Variants in NCOA2 observed in about 807,000 individuals in gnomAD.
NCOA2 encodes nuclear receptor coactivator 2.
In NCOA2, 21 loss-of-function variants were observed where a neutral mutation model predicts 145.1. The observed-to-expected ratio is 0.14, with a 90% CI of 0.10 to 0.21. The LOEUF (loss-of-function observed/expected upper bound fraction) is 0.21. Ranked by LOEUF, NCOA2 falls within the 10% of genes least tolerant of loss-of-function variation. The pLI, the probability that NCOA2 is intolerant of heterozygous loss-of-function variation, is 1.00. For synonymous variants in NCOA2, 619 were observed against 637.5 expected, an observed-to-expected ratio of 0.97 and a Z score of 0.44; for missense variants, 1,472 against 1,837.6, an observed-to-expected ratio of 0.80 and a Z score of 3.64.
intron 14 of NCOA2, among the ~76,000 whole-genome samples, chr8:70,138,664 T>C (rs1359590496): frequency 6.6e-6 from 1 of 152,206 alleles, no homozygotes; most frequent in Non-Finnish European, 1.5e-5. Flanking sequence ...AAAGTGTAGA[T>C]TCATTTAAAA....
chr8:70,227,974 C>T lies in NCOA2; in HGVS notation c.-19-11210G>A, dbSNP rs183348107. ...GAGGTCGCAGTGAGCCATTGCACTC[C>T]AGCCTGGGCGACAGAGTGAGACTCC... On this transcript the variant is annotated intron_variant, in intron 2 of 22. Transcript: ENST00000452400. Among the ~76,000 whole-genome samples the T allele has an allele frequency of 9.1e-4, 124 of 136,062 alleles. 1 individual carries two copies. The East Asian group carries it at 0.022, about 25-fold the overall frequency. 89.3% of individuals were successfully genotyped at this position (136,062 alleles called of 152,430 possible).
chr8:70,386,811 A>G (rs1214715976), intron 1 of NCOA2, among the ~76,000 whole-genome samples: 1 of 152,192 alleles, frequency 6.6e-6, no homozygotes, highest in East Asian at 1.9e-4. Flanking sequence ...CCATCCAACA[A>G]AAAGGAAATT....
intron 2 of NCOA2, among the ~76,000 whole-genome samples, chr8:70,242,993 A>C (rs1377806423): frequency 6.6e-6 from 1 of 152,088 alleles, no homozygotes; most frequent in Admixed American, 6.6e-5. Flanking sequence ...TTTACACGCT[A>C]CCTGGACTTC....
chr8:70,384,206 A>G (rs949608958), intron 1 of NCOA2, among the ~76,000 whole-genome samples: 12 of 152,048 alleles, frequency 7.9e-5, no homozygotes, highest in African/African-American at 2.9e-4. Flanking sequence ...TTTGCTTTCC[A>G]TGGTGATTCA....
In NCOA2 at chr8:70,168,599, G is replaced by A. The variant is rs371817608; in HGVS notation, c.541+1603C>T. ...GCCTCCCAAAGTGCTGGGATTACAC[G>A]GGTGAGCCACTGAGCCCAGCCAGTA... On this transcript the variant is annotated intron_variant, in intron 6 of 22. Transcript: ENST00000452400. 3.3e-5 allele frequency among the ~76,000 whole-genome samples: 5 copies of A among 152,204 alleles called. No individual in the cohort carries two copies. The South Asian group carries it at 6.2e-4, about 19-fold the overall frequency.
chr8:70,377,765 C>A (rs1441281481), intron 1 of NCOA2, among the ~76,000 whole-genome samples: 1 of 152,096 alleles, frequency 6.6e-6, no homozygotes, highest in African/African-American at 2.4e-5. Flanking sequence ...ATTAATTGAG[C>A]ACCAAAAATG....
chr8:70,428,289 CAAA>C, the NCOA2 span, among the ~76,000 whole-genome samples: 5 of 129,478 alleles, frequency 3.9e-5, no homozygotes, highest in Non-Finnish European at 6.6e-5. Flanking sequence ...CCTGTCTCTA[CAAA>C]AAAAAAAAAA....
At chr8:70,294,766 C>T (rs1056549256) in intron 2 of NCOA2, among the ~76,000 whole-genome samples, 2 of 152,110 alleles carry the variant, frequency 1.3e-5, no homozygotes, top group African/African-American at 4.8e-5. Flanking sequence ...CTTGATATGA[C>T]CTTGGAAAAG....
chr8:70,447,277 G>C, the NCOA2 span, among the ~76,000 whole-genome samples: 1 of 152,176 alleles, frequency 6.6e-6, no homozygotes, highest in South Asian at 2.1e-4. Flanking sequence ...ATAGCCCTCA[G>C]TCGCATCAGA....
chr8:70,261,060 T>C (rs1223876552), intron 2 of NCOA2, among the ~76,000 whole-genome samples: 3 of 152,220 alleles, frequency 2.0e-5, no homozygotes, highest in African/African-American at 7.2e-5. Flanking sequence ...CTCAGGGATC[T>C]AGAACAGGAA....
upstream of NCOA2, among the ~76,000 whole-genome samples, chr8:70,407,354 ATAT>A (rs201264269): frequency 1.2e-3 from 189 of 152,348 alleles, 4 homozygotes; most frequent in East Asian, 0.031. Flanking sequence ...CATTGTATGT[ATAT>A]TATTCTCATT....
chr8:70,317,041 G>T (rs1175998294), intron 1 of NCOA2, among the ~76,000 whole-genome samples: 1 of 152,172 alleles, frequency 6.6e-6, no homozygotes, highest in Non-Finnish European at 1.5e-5. Context: ...GGGTTAGTTT[G>T]TGCTATAAGA....
Position 70,131,909 on chromosome 8 carries a change from A to G in NCOA2, c.3252T>C (p.Tyr1084=), listed in dbSNP as rs748082696. The part of the protein sequence containing the change: ...SDEGALLDQL[Y]LALRNFDGLE... ...GGCCATCAAAATTCCGCAAGGCCAG[A>G]TACAGCTGGTCCAGGAGAGCTCCCT... is the stretch of plus-strand genomic sequence containing the variant. The change falls in exon 16 of 23, where the codon TAT becomes TAC. Residue 1084 remains tyrosine, a synonymous_variant. Transcript: ENST00000452400. The G allele has an allele frequency of 1.2e-6, 2 of 1,608,032 alleles. No individual in the cohort carries two copies. Among genetic ancestry groups the G allele is most frequent in the Admixed American group, 3.4e-5 (2 of 59,300 alleles).
intron 12 of NCOA2, among the ~76,000 whole-genome samples, chr8:70,146,701 G>GT (rs887265398): frequency 1.5e-3 from 217 of 146,076 alleles, no homozygotes; most frequent in Middle Eastern, 3.5e-3. Context: ...TAGTGTGTCT[G>GT]TTTTTTTTTT....
intron 2 of NCOA2, among the ~76,000 whole-genome samples, chr8:70,236,249 T>A (rs1586204082): frequency 6.6e-6 from 1 of 152,200 alleles, no homozygotes; most frequent in African/African-American, 2.4e-5. Context: ...TTATCCAAAA[T>A]AAGTCTCCTT....
chr8:70,137,215 G>T (rs1256028050), intron 15 of NCOA2, among the ~76,000 whole-genome samples: 4 of 152,156 alleles, frequency 2.6e-5, no homozygotes, highest in African/African-American at 7.2e-5. Context: ...AAGTTTTTTT[G>T]TATTTTTAGC....
intron 9 of NCOA2, among the ~76,000 whole-genome samples, chr8:70,160,072 A>G (rs557335022): frequency 6.6e-6 from 1 of 152,352 alleles, no homozygotes; most frequent in Admixed American, 6.5e-5. Context: ...TAAAACTAAT[A>G]CAAATATGAA....
intron 1 of NCOA2, among the ~76,000 whole-genome samples, chr8:70,380,375 GCA>G (rs1388171212): frequency 6.6e-6 from 1 of 151,918 alleles, no homozygotes; most frequent in East Asian, 1.9e-4. Context: ...CTCCTCACTC[GCA>G]CAGTGCCACA....
intron 1 of NCOA2, among the ~76,000 whole-genome samples, chr8:70,301,429 A>G (rs74950895): frequency 1.3e-5 from 2 of 151,884 alleles, no homozygotes. Flanking sequence ...TTGAGCAGGC[A>G]TATCACTTGA....
Sources: allele counts gnomAD v4.1 joint callset (sites outside exome capture counted in the v4.1 genomes callset), GRCh38; gene constraint gnomAD v4.1.1; transcripts MANE v1.5; gene names NCBI Gene and HGNC (gene_info 2026-07-23, HGNC 2026-07-21).